GNAO1: variants seen among roughly 807,000 people sequenced by gnomAD.
GNAO1 encodes the protein guanine nucleotide-binding protein G(o) subunit alpha.
For missense variants in GNAO1, 166 were observed against 478.7 expected (o/e 0.35, Z 6.10); for synonymous variants, 164 against 180.7 (o/e 0.91, Z 0.74).
intron 3 of GNAO1, among the ~76,000 whole-genome samples, chr16:56,293,801 G>A (rs1182096201): frequency 1.3e-5 from 2 of 152,166 alleles, no homozygotes; most frequent in African/African-American, 4.8e-5. Flanking sequence ...GTTGCCTGGG[G>A]TGAAAAGGCT....
intron 3 of GNAO1, among the ~76,000 whole-genome samples, chr16:56,317,394 A>G (rs1023251493): frequency 5.9e-5 from 9 of 152,188 alleles, no homozygotes; most frequent in Admixed American, 1.3e-4. Context: ...CCTTTGTCAA[A>G]TGTTAAAGTC....
intron 6 of GNAO1, among the ~76,000 whole-genome samples, 155 bp downstream of exon 6, chr16:56,337,015 C>T (rs1370499489): frequency 2.0e-5 from 3 of 152,206 alleles, no homozygotes; most frequent in Non-Finnish European, 2.9e-5. Context: ...CAGGCCGTGC[C>T]GGCACTCCAC....
intron 6 of GNAO1, chr16:56,340,299 A>AC (rs1311643675): frequency 6.6e-6 from 1 of 151,938 alleles, no homozygotes; most frequent in Non-Finnish European, 1.5e-5. Context: ...CAGCAAGCTC[A>AC]CCCCCGAGAC....
intron 2 of GNAO1, among the ~76,000 whole-genome samples, chr16:56,207,207 A>T (rs932032349): frequency 4.6e-5 from 7 of 152,238 alleles, no homozygotes; most frequent in African/African-American, 1.2e-4. Flanking sequence ...AACTTTGGAG[A>T]TTTTGGCTTT....
chr16:56,338,409 C>T (rs1369980041), intron 6 of GNAO1, among the ~76,000 whole-genome samples: 1 of 152,218 alleles, frequency 6.6e-6, no homozygotes, highest in Non-Finnish European at 1.5e-5. Context: ...CACTGACCAC[C>T]CAAAGCCCAG....
chr16:56,305,814 G>C (rs548754030), intron 3 of GNAO1, among the ~76,000 whole-genome samples: 2 of 152,286 alleles, frequency 1.3e-5, no homozygotes, highest in South Asian at 4.1e-4. Context: ...TTGGCTTGTA[G>C]ATGGCTGTTT....
At chr16:56,309,791 G>T (rs185263147) in intron 3 of GNAO1, among the ~76,000 whole-genome samples, 1 of 128,244 alleles carries the variant, frequency 7.8e-6, no homozygotes, top group African/African-American at 2.5e-5. Context: ...GTGCAGCAGT[G>T]CCTGCTGTGC....
At chr16:56,314,671 C>T (rs1250349839) in intron 3 of GNAO1, among the ~76,000 whole-genome samples, 2 of 152,216 alleles carry the variant, frequency 1.3e-5, no homozygotes, top group African/African-American at 4.8e-5. Context: ...CGCCTGGCTT[C>T]TGGCTAAGGA....
intron 6 of GNAO1, chr16:56,344,893 G>GTGGA: frequency 1.0e-6 from 1 of 985,344 alleles, no homozygotes; most frequent in Non-Finnish European, 1.2e-6. Flanking sequence ...TCTAGAGGGG[G>GTGGA]TGGACTTTTG....
At chr16:56,344,618 A>G in intron 6 of GNAO1, 18 of 985,718 alleles carry the variant, frequency 1.8e-5, no homozygotes, top group Non-Finnish European at 2.2e-5. Context: ...AGACTGATTT[A>G]TGGCTCAGAT....
intron 2 of GNAO1, among the ~76,000 whole-genome samples, chr16:56,201,151 A>C (rs2036278757): frequency 6.6e-6 from 1 of 152,202 alleles, no homozygotes; most frequent in African/African-American, 2.4e-5. Context: ...GAAGGGCCAC[A>C]ATGTCTGTAT....
intron 6 of GNAO1, among the ~76,000 whole-genome samples, chr16:56,340,050 G>A (rs3827948): frequency 2.0e-5 from 3 of 152,070 alleles, no homozygotes; most frequent in Non-Finnish European, 2.9e-5. Context: ...AGCCCGCACC[G>A]GGCTCTCTGC....
intron 6 of GNAO1, chr16:56,347,325 A>G (rs1212487044): frequency 1.0e-6 from 1 of 985,138 alleles, no homozygotes; most frequent in Non-Finnish European, 1.2e-6. Flanking sequence ...GAAGGCAGTC[A>G]CCCCCAGGCA....
At chr16:56,264,869 C>G (rs1275967237) in intron 2 of GNAO1, among the ~76,000 whole-genome samples, 1 of 150,430 alleles carries the variant, frequency 6.6e-6, no homozygotes, top group African/African-American at 2.4e-5. Flanking sequence ...TTAATAATTA[C>G]TAAAGTGGTC....
At chr16:56,195,303 T>G (rs1482366772) in intron 2 of GNAO1, among the ~76,000 whole-genome samples, 3 of 152,196 alleles carry the variant, frequency 2.0e-5, no homozygotes, top group Non-Finnish European at 1.5e-5. Flanking sequence ...GAATGGCAGT[T>G]TTCCCTGTGA....
intron 6 of GNAO1, among the ~76,000 whole-genome samples, chr16:56,339,489 A>T (rs1158615888): frequency 6.6e-6 from 1 of 152,198 alleles, no homozygotes; most frequent in Admixed American, 6.5e-5. Flanking sequence ...GGCCCCAGGA[A>T]CTCAGGCCTT....
At chr16:56,241,117 G>A (rs1331782072) in intron 2 of GNAO1, among the ~76,000 whole-genome samples, 4 of 152,214 alleles carry the variant, frequency 2.6e-5, no homozygotes, top group African/African-American at 4.8e-5. Flanking sequence ...CAGCCCAAGC[G>A]GAGCATGCAG....
intron 2 of GNAO1, among the ~76,000 whole-genome samples, chr16:56,212,257 A>G (rs1270001465): frequency 6.6e-6 from 1 of 152,252 alleles, no homozygotes; most frequent in Non-Finnish European, 1.5e-5. Context: ...TGAATGCCAT[A>G]CATGGTATGT....
intron 2 of GNAO1, among the ~76,000 whole-genome samples, chr16:56,197,008 A>G (rs1251098036): frequency 7.9e-5 from 12 of 152,154 alleles, no homozygotes; most frequent in African/African-American, 1.9e-4. Context: ...TAGGGTATCT[A>G]CTGTTTGGTA....
Sources: allele counts gnomAD v4.1 joint callset (sites outside exome capture counted in the v4.1 genomes callset), GRCh38; gene constraint gnomAD v4.1.1; transcripts MANE v1.5; gene names NCBI Gene and HGNC (gene_info 2026-07-23, HGNC 2026-07-21).